Variants in NOX4 observed in about 807,000 individuals in gnomAD.
NOX4 encodes NADPH oxidase 4, also known as kidney oxidase-1.
In NOX4, 69 loss-of-function variants were observed where a neutral mutation model predicts 87.6. The observed-to-expected ratio is 0.79, with a 90% CI of 0.65 to 0.96. The LOEUF (loss-of-function observed/expected upper bound fraction) is 0.96. Among genes scored for constraint, NOX4 ranks in the 40% least tolerant of loss-of-function variants. NOX4 has a pLI of 0.00. For missense variants in NOX4, 680 were observed against 681.5 expected (o/e 1.00, Z 0.02); for synonymous variants, 275 against 238.2 (o/e 1.15, Z -1.42).
At chr11:89,454,944 G>T (rs1945121571) in intron 2 of NOX4, among the ~76,000 whole-genome samples, 1 of 152,008 alleles carries the variant, frequency 6.6e-6, no homozygotes, top group Non-Finnish European at 1.5e-5. Context: ...CTGTACCCTG[G>T]AATCTATGAC....
intron 6 of NOX4, among the ~76,000 whole-genome samples, chr11:89,440,383 G>A (rs367705123): frequency 1.3e-5 from 2 of 151,982 alleles, no homozygotes; most frequent in African/African-American, 4.8e-5. Context: ...GCAGTGGCGC[G>A]ATCTCAGCTC....
At chr11:89,387,600 G>A (rs1308075789) in intron 11 of NOX4, among the ~76,000 whole-genome samples, 1 of 152,044 alleles carries the variant, frequency 6.6e-6, no homozygotes, top group African/African-American at 2.4e-5. Flanking sequence ...GAATAAAGAG[G>A]TATTCATGTA....
intron 12 of NOX4, among the ~76,000 whole-genome samples, chr11:89,360,132 A>T (rs907985779): frequency 3.9e-5 from 6 of 152,104 alleles, no homozygotes; most frequent in Admixed American, 2.6e-4. Flanking sequence ...AAGGGTCAAT[A>T]AGATGAATGC....
At chr11:89,461,951 T>C (rs1945488567) in intron 2 of NOX4, among the ~76,000 whole-genome samples, 1 of 151,446 alleles carries the variant, frequency 6.6e-6, no homozygotes, top group South Asian at 2.1e-4. Flanking sequence ...ATTCAATAAA[T>C]GCAATCCTTA....
chr11:89,522,938 C>A, the NOX4 span, among the ~76,000 whole-genome samples: 1 of 152,166 alleles, frequency 6.6e-6, no homozygotes, highest in Non-Finnish European at 1.5e-5. Context: ...CCATCACTTA[C>A]AACAAACTTA....
the NOX4 span, among the ~76,000 whole-genome samples, chr11:89,522,934 C>T: frequency 6.6e-6 from 1 of 152,170 alleles, no homozygotes; most frequent in African/African-American, 2.4e-5. Flanking sequence ...TTCACCATCA[C>T]TTACAACAAA....
Position 89,326,735 on chromosome 11 carries a change from C to G in NOX4, c.*21G>C, listed in dbSNP as rs1162788899. ...ATTGCACTCATTCCTTCTTTAGAGT[C>G]CTGCTTCATGGCAAAAGTTTTCAGC... On this transcript the variant is annotated 3_prime_UTR_variant, in exon 18 of 18. Coordinates refer to ENST00000263317, the MANE Select transcript of NOX4 (RefSeq NM_016931.5). The G allele has an allele frequency of 1.9e-6, 3 of 1,610,226 alleles. No individual in the cohort carries two copies. Among genetic ancestry groups the G allele is most frequent in the Non-Finnish European group, 2.5e-6 (3 of 1,177,698 alleles).
chr11:89,449,496 A>C lies in NOX4; in HGVS notation c.293T>G (p.Leu98Trp), dbSNP rs752092101. 21 of 1,612,330 alleles carry C rather than the reference A, an allele frequency of 1.3e-5. No homozygotes were observed. Among genetic ancestry groups the C allele is most frequent in the Non-Finnish European group, 6.8e-6 (8 of 1,178,998 alleles). ...AATATGGAATGTTCTGCTTTTATCC[A>C]ACAATCTCCTGGTTCTCCTGCTTGG... ...KVPSRRTRRL[L>W]DKSRTFHITC... Residue 98 changes from leucine (L) to tryptophan (W), a missense_variant, in exon 4 of 18, where the codon TTG becomes TGG. By Grantham distance (61) the Leu-to-Trp change is moderately conservative (BLOSUM62 -2). Transcript: ENST00000263317.
chr11:89,354,975 T>C lies in NOX4; in HGVS notation c.1204A>G (p.Arg402Gly), dbSNP rs752217837. The C allele has an allele frequency of 2.5e-6, 4 of 1,591,430 alleles. No individual in the cohort carries two copies. Among genetic ancestry groups the C allele is most frequent in the East Asian group, 4.5e-5 (2 of 44,332 alleles). Residue 402 changes from arginine (R) to glycine (G), a missense_variant, in exon 13 of 18, where the codon AGA becomes GGA. Physicochemically the swap from Arg to Gly is moderately radical, Grantham distance 125. Transcript: ENST00000263317. ...CCTTTTGCTTACTTGGGATAATTTC[T>C]AGATTGAATGAAGGGCAGAATTTCG... ...DSEILPFIQS[R>G]NYPKLYIDGP...
intron 2 of NOX4, among the ~76,000 whole-genome samples, chr11:89,452,484 A>G (rs1945006229): frequency 1.3e-5 from 2 of 152,106 alleles, no homozygotes; most frequent in Admixed American, 1.3e-4. Context: ...ACTGGTATAC[A>G]AGCATTCATT....
chr11:89,440,792 A>T lies in NOX4; in HGVS notation c.448-77T>A. ...TATAATTCTATAAAGAGTATGCAGG[A>T]TCTACAAACCACATACTTGTCATGT... is the stretch of plus-strand genomic sequence containing the variant. On this transcript the variant is annotated intron_variant, in intron 5 of 17. Transcript: ENST00000263317. The T allele has an allele frequency of 7.8e-6, 6 of 773,476 alleles. No individual in the cohort carries two copies. In the South Asian group the frequency reaches 1.2e-4, roughly 15 times the overall value. 47.9% of individuals were successfully genotyped at this position (773,476 alleles called of 1,614,324 possible).
chr11:89,347,600 C>CT (rs1946273027), intron 13 of NOX4, among the ~76,000 whole-genome samples: 1 of 152,184 alleles, frequency 6.6e-6, no homozygotes, highest in Non-Finnish European at 1.5e-5. Context: ...CAGATTGCCA[C>CT]TCTCCCTCAA....
At chr11:89,513,509 T>C in the NOX4 span, among the ~76,000 whole-genome samples, 7 of 152,166 alleles carry the variant, frequency 4.6e-5, no homozygotes, top group South Asian at 8.3e-4. Flanking sequence ...TTATTTATAA[T>C]ATAATTTTTC....
At chr11:89,411,831 T>C (rs377455623) in intron 8 of NOX4, among the ~76,000 whole-genome samples, 33 of 152,030 alleles carry the variant, frequency 2.2e-4, no homozygotes, top group African/African-American at 7.2e-4. Flanking sequence ...AGCAATAACA[T>C]AGAATGTCAA....
chr11:89,529,849 A>G, the NOX4 span, among the ~76,000 whole-genome samples: 1 of 152,192 alleles, frequency 6.6e-6, no homozygotes, highest in African/African-American at 2.4e-5. Flanking sequence ...ACAATGTACA[A>G]AGATTGGACA....
intron 13 of NOX4, among the ~76,000 whole-genome samples, chr11:89,352,843 C>T (rs1039167293): frequency 1.3e-5 from 2 of 152,178 alleles, no homozygotes; most frequent in Admixed American, 6.5e-5. Context: ...TTTTGGAGAT[C>T]GAGTTTCACT....
the NOX4 span, among the ~76,000 whole-genome samples, chr11:89,523,088 G>T: frequency 1.3e-5 from 2 of 151,974 alleles, no homozygotes; most frequent in East Asian, 3.9e-4. Context: ...GCAGTGGCGC[G>T]ATTTTGGATC....
Position 89,325,150 on chromosome 11 carries a change from A to G in NOX4, c.*1606T>C. The G allele has an allele frequency of 1.3e-5, 1 of 75,096 alleles. No individual in the cohort carries two copies. The highest frequency in any genetic ancestry group is 7.2e-5 in the African/African-American group (1 of 13,976). 4.7% of individuals were successfully genotyped at this position (75,096 alleles called of 1,614,324 possible). A position where few individuals can be genotyped will look rare whatever the true frequency, so the allele number is the denominator to read the frequency against. On this transcript the variant is annotated 3_prime_UTR_variant, in exon 18 of 18. Transcript: ENST00000263317. ...TTTTTTTTTTTTTTTTTTGAGATGG[A>G]ATCTTGCTCTGTCACCCAGGCTGGA...
chr11:89,573,421 C>T, the NOX4 span, among the ~76,000 whole-genome samples: 1 of 152,236 alleles, frequency 6.6e-6, no homozygotes, highest in East Asian at 1.9e-4. Context: ...CGCCTGTAGT[C>T]TCTGCTACTC....
Sources: allele counts gnomAD v4.1 joint callset (sites outside exome capture counted in the v4.1 genomes callset), GRCh38; gene constraint gnomAD v4.1.1; transcripts MANE v1.5; gene names NCBI Gene and HGNC (gene_info 2026-07-23, HGNC 2026-07-21).